The following MAU2 variants were observed in gnomAD, a reference collection of about 807,000 sequenced individuals.
MAU2 encodes the protein MAU2 sister chromatid cohesion factor.
MAU2 carries 9 observed loss-of-function variants against 89.1 expected under a neutral mutation model. The ratio of observed to expected loss-of-function variants is 0.10; its 90% CI spans 0.06 to 0.18. The LOEUF (loss-of-function observed/expected upper bound fraction) is 0.18, where lower values mean the gene tolerates loss of function less well. Among genes scored for constraint, MAU2 ranks in the 10% least tolerant of loss-of-function variants. The pLI is 1.00. For missense variants in MAU2, 425 were observed against 803.5 expected (o/e 0.53, Z 5.69); for synonymous variants, 357 against 343.4 (o/e 1.04, Z -0.44).
chr19:19,344,933 A>G lies in MAU2; in HGVS notation c.1155+7A>G, dbSNP rs761574732. On this transcript the variant is annotated splice_region_variant and intron_variant, in intron 11 of 18. Coordinates refer to ENST00000262815, the MANE Select transcript of MAU2 (RefSeq NM_015329.4). The stretch of plus-strand genomic sequence containing the variant: ...ACAGCTGCACACATTGCTGGTGAGT[A>G]ACCCTGTGACAACACCCCGGGAGAA... The G allele has an allele frequency of 6.8e-6, 11 of 1,613,086 alleles. No individual in the cohort carries two copies. Among genetic ancestry groups the G allele is most frequent in the Admixed American group, 3.3e-5 (2 of 59,984 alleles).
Position 19,321,091 on chromosome 19 carries a change from C to T in MAU2, c.232C>T (p.His78Tyr), listed in dbSNP as rs369371593. The T allele has an allele frequency of 6.2e-7, 1 of 1,609,774 alleles. No homozygotes were observed. Among genetic ancestry groups the T allele is most frequent in the Admixed American group, 1.7e-5 (1 of 59,646 alleles). Residue 78 changes from histidine to tyrosine, a missense_variant, in exon 1 of 19, where the codon CAC becomes TAC. Around this residue, in one of 11 missense-constraint regions of MAU2, gnomAD observed 57 missense variants for 57.5 expected, o/e 0.99. Transcript: ENST00000262815. ...HLQLGSVLYHHTKNSEQARSH... is the reference protein window; with the variant it reads ...HLQLGSVLYHYTKNSEQARSH... ...GCAGCTGGGCTCCGTTCTCTATCAC[C>T]ACACCAAGAACAGCGAGCAGGCGCG...
chr19:19,355,653 T>G, intron 18 of MAU2, 55 bp from the exon 19 acceptor site: 1 of 1,483,558 alleles, frequency 6.7e-7, no homozygotes, highest in South Asian at 1.2e-5. Context: ...TCCAACCTCT[T>G]CTTCCCTGGG....
In MAU2 at chr19:19,334,385, C is replaced by T; in HGVS notation, c.277-1333C>T. 6.1e-6 allele frequency: 6 copies of T among 985,850 alleles called. No homozygotes were observed. In the South Asian group the frequency reaches 2.8e-4, roughly 46 times the overall value. 61.1% of individuals were successfully genotyped at this position (985,850 alleles called of 1,614,324 possible). On this transcript the variant is annotated intron_variant, in intron 1 of 18. Transcript: ENST00000262815. ...CGGGCTCTCTCCCACAGCTGTCCTC[C>T]TGGCCCCCTGTGTCTTGGCAGTAGC...
chr19:19,335,121 C>T (rs1479246619), intron 1 of MAU2, among the ~76,000 whole-genome samples: 1 of 152,194 alleles, frequency 6.6e-6, no homozygotes, highest in Non-Finnish European at 1.5e-5. Context: ...GAACTGCCTT[C>T]CTGGTGTGCA....
At chr19:19,336,242 A>G (rs1599902944) in intron 3 of MAU2, 55 bp downstream of exon 3, 4 of 1,304,714 alleles carry the variant, frequency 3.1e-6, no homozygotes, top group Middle Eastern at 1.8e-4. Flanking sequence ...TCGCTAAGAC[A>G]TGACAGCACA....
chr19:19,325,357 G>A (rs2061495919), intron 1 of MAU2, among the ~76,000 whole-genome samples: 3 of 151,634 alleles, frequency 2.0e-5, no homozygotes, highest in Admixed American at 6.6e-5. Context: ...TGTATTTTTA[G>A]TAAAGAAGGG....
At chr19:19,354,110 A>G (rs2146713161) in intron 16 of MAU2, 1 of 551,276 alleles carries the variant, frequency 1.8e-6, no homozygotes, top group South Asian at 2.0e-5. Flanking sequence ...AAAGTTGTCC[A>G]TTGGCCATGC....
intron 1 of MAU2, among the ~76,000 whole-genome samples, chr19:19,333,023 G>A (rs2146668965): frequency 6.6e-6 from 1 of 152,118 alleles, no homozygotes; most frequent in African/African-American, 2.4e-5. Flanking sequence ...GTTGCGGTGA[G>A]CTGAGATTAT....
Position 19,336,229 on chromosome 19 carries a change from G to A in MAU2, c.360+42G>A, listed in dbSNP as rs759138712. 29 of 1,412,462 alleles carry A rather than the reference G, an allele frequency of 2.1e-5. 1 individual carries two copies. The highest frequency in any genetic ancestry group is 3.5e-4 in the Middle Eastern group (2 of 5,686). The allele number at this position is 1,412,462 out of a possible 1,614,324, so 87.5% of individuals were successfully genotyped here. A position where few individuals can be genotyped will look rare whatever the true frequency, so the allele number is the denominator to read the frequency against. ...GTTTCTGAAAGCAAAGTGTCTCTCC[G>A]TGTCGCTAAGACATGACAGCACATT... On this transcript the variant is annotated intron_variant, in intron 3 of 18. Coordinates refer to ENST00000262815, the MANE Select transcript of MAU2 (RefSeq NM_015329.4).
intron 6 of MAU2, 44 bp from the exon 7 acceptor site, chr19:19,341,208 C>G: frequency 6.3e-7 from 1 of 1,578,536 alleles, no homozygotes; most frequent in East Asian, 2.2e-5. Context: ...CTGGGAGGGC[C>G]CCTGCAAGCC....
chr19:19,337,304 GA>G, intron 4 of MAU2, 39 bp downstream of exon 4: 1 of 1,533,946 alleles, frequency 6.5e-7, no homozygotes, highest in Non-Finnish European at 9.0e-7. Context: ...GCCCGGCAGG[GA>G]CCATGACCCT....
rs1432005101 is a variant in MAU2, at chr19:19,347,282, C to T, written c.1224C>T (p.Leu408=). The change falls in exon 13 of 19, where the codon CTC becomes CTT. Residue 408 remains leucine (L), a splice_region_variant and synonymous_variant. Transcript: ENST00000262815. ...AATGTCCCCGCCTCCCATTCCAGCTCACCAACCACCAGGAGCTGTGGGCCT... is the reference window on the plus strand; with the variant it reads ...AATGTCCCCGCCTCCCATTCCAGCTTACCAACCACCAGGAGCTGTGGGCCT... ...AEAQFTTALR[L]TNHQELWAFI... The T allele has an allele frequency of 6.2e-7, 1 of 1,613,452 alleles. No homozygotes were observed. The highest frequency in any genetic ancestry group is 8.5e-7 in the Non-Finnish European group (1 of 1,179,512).
chr19:19,328,577 A>G (rs2061530374), intron 1 of MAU2, among the ~76,000 whole-genome samples: 2 of 151,884 alleles, frequency 1.3e-5, no homozygotes, highest in Non-Finnish European at 2.9e-5. Context: ...GCCCACCACC[A>G]TGCCCGGCTA....
Position 19,320,908 on chromosome 19 carries a change from G to A in MAU2, c.49G>A (p.Ala17Thr), listed in dbSNP as rs746180682. Residue 17 changes from alanine (A) to threonine (T), a missense_variant, in exon 1 of 19, where the codon GCG (alanine) becomes ACG (threonine). Coordinates refer to ENST00000262815, the MANE Select transcript of MAU2 (RefSeq NM_015329.4). ...AAAQAAAAQAAQAEAADSWYL... is the reference protein window; with the variant it reads ...AAAQAAAAQATQAEAADSWYL... ...GGCCCAGGCGGCGGCGGCCCAGGCTGCGCAGGCCGAGGCGGCCGACTCGTG... is the reference window on the plus strand; with the variant it reads ...GGCCCAGGCGGCGGCGGCCCAGGCTACGCAGGCCGAGGCGGCCGACTCGTG... 1 of 1,551,674 alleles carries A rather than the reference G, an allele frequency of 6.4e-7. No individual in the cohort carries two copies.
chr19:19,330,456 G>A (rs746535498), intron 1 of MAU2, among the ~76,000 whole-genome samples: 10 of 151,798 alleles, frequency 6.6e-5, no homozygotes, highest in Non-Finnish European at 1.3e-4. Flanking sequence ...AATTAGTTGG[G>A]CCTGCCAGGC....
intron 4 of MAU2, 90 bp from the exon 5 acceptor site, chr19:19,338,755 T>G: frequency 1.1e-6 from 1 of 888,862 alleles, no homozygotes. Flanking sequence ...CGTGGGGAGG[T>G]TTGGTTGAGT....
Position 19,355,372 on chromosome 19 carries a change from C to T in MAU2, c.1748C>T (p.Pro583Leu), listed in dbSNP as rs1419760008. Residue 583 changes from proline (P) to leucine (L), a missense_variant, in exon 18 of 19, where the codon CCC (proline) becomes CTC (leucine). Pro to Leu is a moderately conservative substitution (Grantham distance 98). Coordinates refer to ENST00000262815, the MANE Select transcript of MAU2 (RefSeq NM_015329.4). ...GACCACATTGAGGCCTGCAGCCTCC[C>T]CGAACACAACCTCATCACGGTACGG... ...LQDHIEACSL[P>L]EHNLITWTDG... 6.2e-7 allele frequency: 1 copy of T among 1,614,004 alleles called. No homozygotes were observed. The highest frequency in any genetic ancestry group is 1.1e-5 in the South Asian group (1 of 91,078).
At position 19,354,450 on chromosome 19, in the gene MAU2, G is replaced by A. The variant is rs781282265; in HGVS notation, c.1639+5G>A. 2 of 1,612,164 alleles carry A rather than the reference G, an allele frequency of 1.2e-6. No homozygotes were observed. Among genetic ancestry groups the A allele is most frequent in the Admixed American group, 3.3e-5 (2 of 60,010 alleles). On this transcript the variant is annotated splice_donor_5th_base_variant and intron_variant, in intron 17 of 18. Coordinates refer to ENST00000262815, the MANE Select transcript of MAU2 (RefSeq NM_015329.4). Reference sequence around the variant, plus strand: ...GGTCGTCAGCACTGCTGAGAGGTGAGTGCAATGGCCACCCCTCTTCCCCAG... The same window carrying A: ...GGTCGTCAGCACTGCTGAGAGGTGAATGCAATGGCCACCCCTCTTCCCCAG...
rs1458290864 is a variant in MAU2, at chr19:19,356,078, G to C, written c.*296G>C. On this transcript the variant is annotated 3_prime_UTR_variant, in exon 19 of 19. Transcript: ENST00000262815. The stretch of plus-strand genomic sequence containing the variant: ...CTGCCTCAGCATCTGGGTCACGTCG[G>C]CCAGGAGTAGGGTGCAGGCCTCCAG... The C allele has an allele frequency of 3.5e-6, 2 of 570,540 alleles. No individual in the cohort carries two copies. Among genetic ancestry groups the C allele is most frequent in the Non-Finnish European group, 6.7e-6 (2 of 300,208 alleles). The allele number at this position is 570,540 out of a possible 1,614,324, so 35.3% of individuals were successfully genotyped here.
Sources: allele counts gnomAD v4.1 joint callset (sites outside exome capture counted in the v4.1 genomes callset), GRCh38; gene constraint gnomAD v4.1.1; regional missense constraint gnomAD v4.1.1; transcripts MANE v1.5; gene names NCBI Gene and HGNC (gene_info 2026-07-23, HGNC 2026-07-21).